The following LUZP2 variants were observed in gnomAD, a reference collection of about 807,000 sequenced individuals.
LUZP2 encodes the protein leucine zipper protein 2.
A neutral mutation model predicts 51.6 loss-of-function variants in LUZP2; 52 were observed. That is an observed-to-expected ratio of 1.01 (90% CI 0.81 to 1.27). The LOEUF is 1.27. Ranked by LOEUF, LUZP2 falls within the 50% of genes most tolerant of loss-of-function variation. The probability of loss-of-function intolerance (pLI) is 0.00; values close to 1 mark genes in which losing one functional copy is unlikely to be tolerated. For synonymous variants in LUZP2, 154 were observed against 137.3 expected (o/e 1.12, Z -0.85); for missense variants, 436 against 395.4 (o/e 1.10, Z -0.87).
chr11:24,832,641 T>C (rs1590611080), intron 5 of LUZP2, among the ~76,000 whole-genome samples: 2 of 151,678 alleles, frequency 1.3e-5, no homozygotes, highest in East Asian at 3.9e-4. Context: ...TGAGACACAC[T>C]ATAACAAAAT....
At chr11:25,044,680 T>C (rs139360450) in intron 9 of LUZP2, among the ~76,000 whole-genome samples, 66 of 151,022 alleles carry the variant, frequency 4.4e-4, no homozygotes, top group African/African-American at 1.6e-3. Context: ...GAACTAGAAA[T>C]AGCATTTGAC....
At chr11:24,655,772 C>T (rs1157311064) in intron 1 of LUZP2, among the ~76,000 whole-genome samples, 4 of 152,106 alleles carry the variant, frequency 2.6e-5, no homozygotes, top group African/African-American at 9.7e-5. Flanking sequence ...ATATTTTCAT[C>T]CTGTGACTTT....
intron 1 of LUZP2, among the ~76,000 whole-genome samples, chr11:24,705,814 C>T (rs181953998): frequency 3.5e-3 from 529 of 151,952 alleles, no homozygotes; most frequent in African/African-American, 0.012. Flanking sequence ...AAACATCACT[C>T]ATAATCTGTG....
intron 5 of LUZP2, among the ~76,000 whole-genome samples, chr11:24,780,447 T>C (rs1001786192): frequency 6.6e-6 from 1 of 152,172 alleles, no homozygotes; most frequent in African/African-American, 2.4e-5. Context: ...CTTAAACATG[T>C]AATAAACTTA....
At chr11:24,558,137 G>A (rs116079904) in intron 1 of LUZP2, among the ~76,000 whole-genome samples, 230 of 152,224 alleles carry the variant, frequency 1.5e-3, no homozygotes, top group African/African-American at 5.3e-3. Flanking sequence ...GCTCTTGGAT[G>A]TCAAAATTCC....
intron 1 of LUZP2, among the ~76,000 whole-genome samples, chr11:24,723,763 C>T (rs550081452): frequency 5.5e-4 from 84 of 151,894 alleles, no homozygotes; most frequent in African/African-American, 1.9e-3. Context: ...ATCAGGAGTT[C>T]GAGGCTGCAG....
chr11:24,765,612 CCTTTTTTTTCTTTTTT>C (rs1345443248), intron 5 of LUZP2, among the ~76,000 whole-genome samples: 12 of 82,750 alleles, frequency 1.5e-4, no homozygotes, highest in African/African-American at 5.6e-4. Context: ...ATAATTTTTT[CCTTTTTTTTCTTTTTT>C]CTTTTTTTTT....
intron 1 of LUZP2, among the ~76,000 whole-genome samples, chr11:24,518,806 C>A (rs1850555658): frequency 6.6e-6 from 1 of 152,146 alleles, no homozygotes; most frequent in South Asian, 2.1e-4. Flanking sequence ...AACAAAGGGG[C>A]ATTCCAGAGA....
intron 5 of LUZP2, among the ~76,000 whole-genome samples, chr11:24,828,288 TA>T (rs1850601459): frequency 6.6e-6 from 1 of 152,082 alleles, no homozygotes; most frequent in Non-Finnish European, 1.5e-5. Flanking sequence ...TCATAACACA[TA>T]AATATTACTG....
intron 5 of LUZP2, among the ~76,000 whole-genome samples, chr11:24,778,774 C>T (rs1408391414): frequency 6.6e-6 from 1 of 152,162 alleles, no homozygotes; most frequent in Non-Finnish European, 1.5e-5. Context: ...AAAGTCAAAA[C>T]TTTTGTGAAT....
chr11:24,708,730 C>G (rs1857701942), intron 1 of LUZP2, among the ~76,000 whole-genome samples: 1 of 152,064 alleles, frequency 6.6e-6, no homozygotes, highest in African/African-American at 2.4e-5. Context: ...TGCCAAGTTG[C>G]CAGACAATGA....
intron 5 of LUZP2, among the ~76,000 whole-genome samples, chr11:24,808,650 A>C (rs2134131384): frequency 6.6e-6 from 1 of 152,280 alleles, no homozygotes; most frequent in African/African-American, 2.4e-5. Context: ...CCCATGGGCT[A>C]ATTGTGAAAC....
intron 1 of LUZP2, among the ~76,000 whole-genome samples, chr11:24,718,292 G>A (rs967178570): frequency 1.3e-5 from 2 of 152,216 alleles, no homozygotes; most frequent in South Asian, 2.1e-4. Context: ...GAAACCCAAG[G>A]TGAGACAGAG....
At chr11:24,717,916 A>G (rs993702917) in intron 1 of LUZP2, among the ~76,000 whole-genome samples, 18 of 152,076 alleles carry the variant, frequency 1.2e-4, no homozygotes, top group African/African-American at 3.4e-4. Flanking sequence ...CCCATAAAAG[A>G]TATGATCTCA....
intron 1 of LUZP2, among the ~76,000 whole-genome samples, chr11:24,538,941 A>G (rs1330508822): frequency 6.6e-6 from 1 of 151,792 alleles, no homozygotes. Flanking sequence ...GAACAATTTG[A>G]AGATTATATA....
chr11:24,832,350 A>G (rs895261502), intron 5 of LUZP2, among the ~76,000 whole-genome samples: 3 of 151,982 alleles, frequency 2.0e-5, no homozygotes, highest in Non-Finnish European at 2.9e-5. Flanking sequence ...AAATAAAATA[A>G]TAGTCTTGCA....
intron 1 of LUZP2, among the ~76,000 whole-genome samples, chr11:24,699,626 A>T (rs1857359868): frequency 6.6e-6 from 1 of 151,486 alleles, no homozygotes; most frequent in Non-Finnish European, 1.5e-5. Flanking sequence ...GGATATATAG[A>T]TATGGAGCTA....
intron 1 of LUZP2, among the ~76,000 whole-genome samples, chr11:24,516,411 C>G (rs1315236389): frequency 6.6e-6 from 1 of 152,046 alleles, no homozygotes; most frequent in Non-Finnish European, 1.5e-5. Context: ...TACAGGGACT[C>G]CAGAGAAATG....
intron 7 of LUZP2, among the ~76,000 whole-genome samples, chr11:24,940,050 C>G (rs1353223804): frequency 6.6e-6 from 1 of 151,666 alleles, no homozygotes; most frequent in Non-Finnish European, 1.5e-5. Context: ...TGGTTACCAC[C>G]TTAAGTGTCT....
Sources: gnomAD v4.1 joint callset for allele counts (sites outside exome capture counted in the v4.1 genomes callset) on GRCh38, gnomAD v4.1.1 for gene constraint, MANE v1.5 for transcripts, NCBI Gene and HGNC (gene_info 2026-07-23, HGNC 2026-07-21) for gene names.